Variants in DLGAP2 observed in about 807,000 individuals in gnomAD.
The protein encoded by DLGAP2 is disks large-associated protein 2.
A neutral mutation model predicts 100.3 loss-of-function variants in DLGAP2; 26 were observed. That is an observed-to-expected ratio of 0.26 (90% CI 0.19 to 0.36). DLGAP2 has a LOEUF of 0.36. DLGAP2 is among the 10% of genes least tolerant of loss of function. The probability of loss-of-function intolerance (pLI) is 1.00; values close to 1 mark genes in which losing one functional copy is unlikely to be tolerated. For synonymous variants in DLGAP2, 886 were observed against 630.1 expected (o/e 1.41, Z -6.08); for missense variants, 1,858 against 1,453.2 (o/e 1.28, Z -4.53).
At chr8:1,600,841 T>C (rs191289463) in intron 6 of DLGAP2, among the ~76,000 whole-genome samples, 202 of 152,216 alleles carry the variant, frequency 1.3e-3, no homozygotes, top group Non-Finnish European at 2.6e-3. Context: ...CTTGGAGGAG[T>C]TTATTACCCA....
In DLGAP2 at chr8:1,412,105, A is replaced by G. The variant is rs75861113; in HGVS notation, c.107-89261A>G. ...TCCATTCCTGCCTCCAGGCCTCTCA[A>G]GCATGGGCTGGGCTTGCTGCATCTC... On this transcript the variant is annotated intron_variant, in intron 3 of 14. Transcript: ENST00000637795. Among the ~76,000 whole-genome samples the G allele has an allele frequency of 3.5e-3, 533 of 152,298 alleles. 9 individuals are homozygous for G. The East Asian group carries it at 0.048, about 14-fold the overall frequency.
intron 8 of DLGAP2, among the ~76,000 whole-genome samples, chr8:1,667,666 T>C (rs1032370067): frequency 5.3e-5 from 8 of 152,240 alleles, no homozygotes; most frequent in Non-Finnish European, 1.2e-4. Flanking sequence ...CATCTTCAGG[T>C]GCTGGTGACC....
intron 2 of DLGAP2, among the ~76,000 whole-genome samples, chr8:1,119,643 TGA>T (rs1795990551): frequency 6.6e-6 from 1 of 152,250 alleles, no homozygotes; most frequent in Non-Finnish European, 1.5e-5. Flanking sequence ...TGTGAACAGC[TGA>T]GCTTCAAGTG....
chr8:1,664,422 G>C (rs555837764), intron 8 of DLGAP2, among the ~76,000 whole-genome samples: 14 of 152,292 alleles, frequency 9.2e-5, no homozygotes, highest in Admixed American at 4.6e-4. Flanking sequence ...GGCATCCCTA[G>C]TCTCTGATGC....
At chr8:1,379,426 T>C (rs1796039339) in intron 3 of DLGAP2, among the ~76,000 whole-genome samples, 1 of 152,214 alleles carries the variant, frequency 6.6e-6, no homozygotes, top group Non-Finnish European at 1.5e-5. Context: ...GGAGACTAAA[T>C]ACCTCAGACC....
intron 2 of DLGAP2, among the ~76,000 whole-genome samples, chr8:1,041,764 C>G (rs534935432): frequency 7.0e-6 from 1 of 142,684 alleles, no homozygotes; most frequent in East Asian, 2.1e-4. Context: ...GAGCCCCTTG[C>G]CGTGGGTCTG....
At chr8:849,796 G>C (rs1261846002) in intron 1 of DLGAP2, among the ~76,000 whole-genome samples, 1 of 152,098 alleles carries the variant, frequency 6.6e-6, no homozygotes, top group African/African-American at 2.4e-5. Flanking sequence ...AAGCTAGGTT[G>C]CCCGGGCACG....
rs559639686 is a variant in DLGAP2 at position 898,517 on chromosome 8, T to C, written c.19-9395T>C. Among the ~76,000 whole-genome samples the C allele has an allele frequency of 2.6e-5, 4 of 152,268 alleles. No individual in the cohort carries two copies. The East Asian group carries it at 5.8e-4, about 22-fold the overall frequency. On this transcript the variant is annotated intron_variant, in intron 1 of 14. Coordinates refer to ENST00000637795, the MANE Select transcript of DLGAP2 (RefSeq NM_001346810.2). ...TCTGGTTCCCTCTCATCCATTTCTC[T>C]AGTCACGGAGACATGATTGGGGGTG...
At chr8:1,658,431 G>A (rs13268910) in intron 8 of DLGAP2, among the ~76,000 whole-genome samples, 1 of 152,024 alleles carries the variant, frequency 6.6e-6, no homozygotes, top group Non-Finnish European at 1.5e-5. Flanking sequence ...TACATGTGCA[G>A]AACGTGCAGT....
intron 10 of DLGAP2, among the ~76,000 whole-genome samples, chr8:1,670,659 G>T (rs559787931): frequency 6.6e-6 from 1 of 152,318 alleles, no homozygotes; most frequent in African/African-American, 2.4e-5. Context: ...AATGTAGGTG[G>T]ATGACGAAGT....
chr8:1,361,700 G>A (rs546649442), intron 3 of DLGAP2, among the ~76,000 whole-genome samples: 207 of 152,306 alleles, frequency 1.4e-3, no homozygotes, highest in Admixed American at 2.7e-3. Context: ...GCACCTTCGC[G>A]CAAGGCCCTA....
chr8:741,099 A>T (rs1369023209), intron 1 of DLGAP2, among the ~76,000 whole-genome samples: 1 of 152,222 alleles, frequency 6.6e-6, no homozygotes, highest in Non-Finnish European at 1.5e-5. Context: ...TAGTGCCACT[A>T]ACTTCTTCAA....
chr8:1,049,967 CAT>C (rs1436050249), intron 2 of DLGAP2, among the ~76,000 whole-genome samples: 5 of 152,340 alleles, frequency 3.3e-5, no homozygotes, highest in Non-Finnish European at 4.4e-5. Flanking sequence ...CTGTCACACA[CAT>C]GTGCCTACGT....
intron 3 of DLGAP2, among the ~76,000 whole-genome samples, chr8:1,442,154 T>A (rs1314719827): frequency 6.6e-6 from 1 of 152,186 alleles, no homozygotes; most frequent in Non-Finnish European, 1.5e-5. Context: ...TGCTGTGGGT[T>A]CAGCCACTGG....
At chr8:988,716 C>A (rs1052804169) in intron 2 of DLGAP2, among the ~76,000 whole-genome samples, 1 of 152,134 alleles carries the variant, frequency 6.6e-6, no homozygotes, top group Non-Finnish European at 1.5e-5. Context: ...GCCCTGTCCA[C>A]CTGCCCTCTG....
chr8:868,132 A>G (rs1020705750), intron 1 of DLGAP2, among the ~76,000 whole-genome samples: 3 of 152,142 alleles, frequency 2.0e-5, no homozygotes, highest in Non-Finnish European at 4.4e-5. Flanking sequence ...TTTATTATTT[A>G]TATTTAAGGA....
chr8:1,623,167 T>C (rs1325298982), intron 6 of DLGAP2, among the ~76,000 whole-genome samples: 2 of 152,280 alleles, frequency 1.3e-5, no homozygotes, highest in Non-Finnish European at 2.9e-5. Context: ...ATGGGATCTT[T>C]GGCTCTGTGG....
intron 10 of DLGAP2, among the ~76,000 whole-genome samples, chr8:1,675,194 C>G (rs1265890633): frequency 6.6e-6 from 1 of 152,224 alleles, no homozygotes; most frequent in Non-Finnish European, 1.5e-5. Flanking sequence ...TCTGTCCGTT[C>G]CCCTGGATCC....
chr8:855,326 CG>C (rs74568695), intron 1 of DLGAP2, among the ~76,000 whole-genome samples: 16,520 of 152,080 alleles, frequency 0.11, 1,366 homozygotes, highest in Admixed American at 0.26. Flanking sequence ...GTGCTCCCAG[CG>C]GGTGTGTACG....
Sources: gnomAD v4.1 joint callset for allele counts (sites outside exome capture counted in the v4.1 genomes callset) on GRCh38, gnomAD v4.1.1 for gene constraint, MANE v1.5 for transcripts, NCBI Gene and HGNC (gene_info 2026-07-23, HGNC 2026-07-21) for gene names.